Variants in PTCH1 observed in about 807,000 individuals in gnomAD.
PTCH1 encodes patched 1, also known as protein patched homolog 1.
A neutral mutation model predicts 144.6 loss-of-function variants in PTCH1; 14 were observed. The ratio of observed to expected loss-of-function variants is 0.10; its 90% CI spans 0.06 to 0.15. The LOEUF (loss-of-function observed/expected upper bound fraction) is 0.15, where lower values mean the gene tolerates loss of function less well. Among genes scored for constraint, PTCH1 ranks in the 10% least tolerant of loss-of-function variants. PTCH1 has a pLI of 1.00. For synonymous variants in PTCH1, 833 were observed against 793.6 expected (o/e 1.05, Z -0.83); for missense variants, 1,623 against 1,948.3 (o/e 0.83, Z 3.14).
chr9:95,494,139 C>T lies in PTCH1; in HGVS notation c.395-8265G>A, dbSNP rs1186573547. The T allele has an allele frequency of 1.3e-5, 12 of 926,696 alleles. No individual in the cohort carries two copies. The East Asian group carries it at 1.4e-3, about 109-fold the overall frequency. 57.4% of individuals were successfully genotyped at this position (926,696 alleles called of 1,614,324 possible). A position where few individuals can be genotyped will look rare whatever the true frequency, so the allele number is the denominator to read the frequency against. ...CGCAGGTAGTGCGCAGGCGCTCGCGCGGGGTTCTGCAACGCGCATGCGCCG... is the reference window on the plus strand; with the variant it reads ...CGCAGGTAGTGCGCAGGCGCTCGCGTGGGGTTCTGCAACGCGCATGCGCCG... On this transcript the variant is annotated intron_variant, in intron 2 of 23. Coordinates refer to ENST00000331920, the MANE Select transcript of PTCH1 (RefSeq NM_000264.5).
chr9:95,449,219 A>C lies in PTCH1; in HGVS notation c.3654T>G (p.Ser1218=). 1 of 1,598,814 alleles carries C rather than the reference A, an allele frequency of 6.3e-7. No homozygotes were observed. Residue 1218 remains serine, a synonymous_variant, in exon 22 of 24, where the codon TCT becomes TCG. Coordinates refer to ENST00000331920, the MANE Select transcript of PTCH1 (RefSeq NM_000264.5). This position sits in a 1 kb window ranked among gnomAD's most constrained non-coding sequence, Gnocchi z 5.3. ...AMPPGHTHSG[S]DSSDSEYSSQ... is the part of the protein sequence containing the mutation. ...AACTATACTCCGAGTCGGAGGAATC[A>C]GACCCGCTGTGCGTGTGGCCGGGCG... is the stretch of plus-strand genomic sequence containing the variant.
rs1347084277 is a variant in PTCH1 at position 95,479,271 on chromosome 9, A to G, written c.1068-124T>C. Reference sequence around the variant, plus strand: ...AATTCTTTTCCTTCTCTGTGAGCACATGTTTCCATTAAAATGGGACCAGGA... The same window carrying G: ...AATTCTTTTCCTTCTCTGTGAGCACGTGTTTCCATTAAAATGGGACCAGGA... On this transcript the variant is annotated intron_variant, in intron 7 of 23. Transcript: ENST00000331920. 3 of 1,241,898 alleles carry G rather than the reference A, an allele frequency of 2.4e-6. No homozygotes were observed. The Admixed American group carries it at 5.2e-5, about 22-fold the overall frequency. 76.9% of individuals were successfully genotyped at this position (1,241,898 alleles called of 1,614,324 possible).
intron 15 of PTCH1, among the ~76,000 whole-genome samples, chr9:95,463,237 A>C (rs1006651129): frequency 6.6e-6 from 1 of 151,802 alleles, no homozygotes; most frequent in Admixed American, 6.6e-5. Flanking sequence ...GTGGGGAGGG[A>C]GGGGGAGCAC....
chr9:95,478,857 G>T, intron 8 of PTCH1, 143 bp downstream of exon 8: 1 of 1,299,804 alleles, frequency 7.7e-7, no homozygotes. Context: ...TCAAAGAAGA[G>T]GAAAAAAGTT....
chr9:95,516,860 C>T, exon 1 of PTCH1: 1 of 1,537,826 alleles, frequency 6.5e-7, no homozygotes, highest in Non-Finnish European at 8.8e-7. Flanking sequence ...ATAGGCAGGA[C>T]CTGTCAGGGT....
chr9:95,491,394 A>C (rs967692029), intron 2 of PTCH1, among the ~76,000 whole-genome samples: 4 of 152,206 alleles, frequency 2.6e-5, no homozygotes, highest in African/African-American at 9.7e-5. Flanking sequence ...AACAGGGATA[A>C]CAAATGCTGT....
intron 12 of PTCH1, among the ~76,000 whole-genome samples, chr9:95,472,245 C>T (rs1037319630): frequency 6.6e-6 from 1 of 152,158 alleles, no homozygotes; most frequent in African/African-American, 2.4e-5. Flanking sequence ...GTTCTCACTG[C>T]TCTTGACAGT....
In PTCH1 at chr9:95,476,240, G is replaced by A. The variant is rs1472399081; in HGVS notation, c.1603-81C>T. 3 of 1,545,634 alleles carry A rather than the reference G, an allele frequency of 1.9e-6. No individual in the cohort carries two copies. Among genetic ancestry groups the A allele is most frequent in the Non-Finnish European group, 8.7e-7 (1 of 1,145,870 alleles). ...CACAGACTGTGTGAGCAGATACGTG[G>A]CAGAATAACACAACTGTTATTACAG... On this transcript the variant is annotated intron_variant, in intron 11 of 23. Transcript: ENST00000331920. This position sits in a 1 kb window ranked among gnomAD's most constrained non-coding sequence, Gnocchi z 4.6.
chr9:95,468,235 T>C (rs928507862), intron 14 of PTCH1, among the ~76,000 whole-genome samples: 1 of 152,170 alleles, frequency 6.6e-6, no homozygotes, highest in African/African-American at 2.4e-5. Flanking sequence ...CAGGCAATTT[T>C]TTGTAGAGAT....
chr9:95,496,123 C>T (rs749981978), intron 2 of PTCH1, among the ~76,000 whole-genome samples: 6 of 152,200 alleles, frequency 3.9e-5, no homozygotes, highest in Non-Finnish European at 8.8e-5. Context: ...CACAGCCCTG[C>T]CGACCCCTGA....
rs1554688102 is a variant in PTCH1, at chr9:95,447,010, A to G, written c.4246T>C (p.Phe1416Leu). The G allele has an allele frequency of 1.9e-6, 3 of 1,614,046 alleles. No homozygotes were observed. The highest frequency in any genetic ancestry group is 2.2e-5 in the South Asian group (2 of 91,090). The change falls in exon 23 of 24, where the codon TTC becomes CTC. Residue 1416 changes from phenylalanine to leucine, a missense_variant. Phe to Leu is a conservative substitution (Grantham distance 22). Coordinates refer to ENST00000331920, the MANE Select transcript of PTCH1 (RefSeq NM_000264.5). ...TCCCTCCTCTCACACCGGACGTGGAAAGGCACGTGGGGGTCCTCAAACAGG... is the reference window on the plus strand; with the variant it reads ...TCCCTCCTCTCACACCGGACGTGGAGAGGCACGTGGGGGTCCTCAAACAGG... ...HGLFEDPHVPFHVRCERRDSK... is the reference protein window; with the variant it reads ...HGLFEDPHVPLHVRCERRDSK...
intron 12 of PTCH1, among the ~76,000 whole-genome samples, chr9:95,471,230 A>C (rs532372432): frequency 4.6e-5 from 7 of 152,238 alleles, no homozygotes; most frequent in Non-Finnish European, 7.3e-5. Flanking sequence ...ATCCAGGGAG[A>C]ACTTCCACAA....
chr9:95,515,834 G>A (rs569626726), intron 1 of PTCH1, among the ~76,000 whole-genome samples: 55 of 152,220 alleles, frequency 3.6e-4, no homozygotes, highest in Non-Finnish European at 7.3e-4. Flanking sequence ...TGGGAGGGGA[G>A]GTGGGTAAGG....
rs920792441 is a variant in PTCH1, at chr9:95,476,752, G to C, written c.1602+7C>G. ...CCCAAAGCTCTCTTCTTTTGTTTTT[G>C]CATTACCTCAAAAGGGATTCTTTTA... On this transcript the variant is annotated splice_region_variant and intron_variant, in intron 11 of 23. Coordinates refer to ENST00000331920, the MANE Select transcript of PTCH1 (RefSeq NM_000264.5). This position sits in a 1 kb window ranked among gnomAD's most constrained non-coding sequence, Gnocchi z 4.6. 2 of 1,611,476 alleles carry C rather than the reference G, an allele frequency of 1.2e-6. No individual in the cohort carries two copies. Among genetic ancestry groups the C allele is most frequent in the Admixed American group, 3.3e-5 (2 of 59,958 alleles).
intron 2 of PTCH1, chr9:95,494,207 C>G (rs1842642197): frequency 1.0e-6 from 1 of 985,626 alleles, no homozygotes; most frequent in Non-Finnish European, 1.2e-6. Flanking sequence ...GCAGTGCCAT[C>G]TGTTATCAGC....
chr9:95,515,887 G>C (rs963182652), intron 1 of PTCH1, among the ~76,000 whole-genome samples: 1 of 152,150 alleles, frequency 6.6e-6, no homozygotes, highest in Non-Finnish European at 1.5e-5. Flanking sequence ...CTAGGCGTGC[G>C]TGCGGGCTCG....
intron 3 of PTCH1, chr9:95,482,611 A>T: frequency 3.5e-6 from 1 of 289,204 alleles, no homozygotes; most frequent in South Asian, 3.5e-5. Flanking sequence ...AGGTGCGGAG[A>T]TGTTTTACTG....
chr9:95,490,520 G>GACTGAC (rs1491509369), intron 2 of PTCH1, among the ~76,000 whole-genome samples: 1 of 140,268 alleles, frequency 7.1e-6, no homozygotes, highest in East Asian at 2.1e-4. Flanking sequence ...CCTTCTATGT[G>GACTGAC]ACACACACAC....
chr9:95,506,357 G>A (rs1460019641), intron 2 of PTCH1, 50 bp downstream of exon 2: 2 of 1,582,320 alleles, frequency 1.3e-6, no homozygotes, highest in Admixed American at 1.7e-5. Flanking sequence ...TCTATCAACC[G>A]CGAGGAGGGA....
Sources: allele counts gnomAD v4.1 joint callset (sites outside exome capture counted in the v4.1 genomes callset), GRCh38; gene constraint gnomAD v4.1.1; non-coding constraint Gnocchi (gnomAD v3.1); transcripts MANE v1.5; gene names NCBI Gene and HGNC (gene_info 2026-07-23, HGNC 2026-07-21).